The following GEMIN7 variants were observed in gnomAD, a reference collection of about 807,000 sequenced individuals.
The protein encoded by GEMIN7 is gem nuclear organelle associated protein 7.
In GEMIN7, 7 loss-of-function variants were observed where a neutral mutation model predicts 7.8. The observed-to-expected ratio is 0.90, with a 90% CI of 0.51 to 1.69. The LOEUF (loss-of-function observed/expected upper bound fraction) is 1.69, where lower values mean the gene tolerates loss of function less well. Among genes scored for constraint, GEMIN7 ranks in the 40% most tolerant of loss-of-function variants. The pLI is 0.00. For missense variants in GEMIN7, 159 were observed against 176.2 expected (o/e 0.90, Z 0.55); for synonymous variants, 68 against 72.4 (o/e 0.94, Z 0.31).
intron 2 of GEMIN7, among the ~76,000 whole-genome samples, chr19:45,086,193 G>A (rs1275836255): frequency 6.6e-6 from 1 of 151,774 alleles, no homozygotes; most frequent in African/African-American, 2.4e-5. Flanking sequence ...AACCTGGGAG[G>A]CGGAGGTTGC....
At chr19:45,076,426 G>A, upstream of GEMIN7, 3 of 1,200,002 alleles carry the variant, frequency 2.5e-6, no homozygotes, top group Non-Finnish European at 3.1e-6. The surrounding 1 kb of genome is among the most constrained non-coding windows in gnomAD (Gnocchi z 4.9). Flanking sequence ...GCGGGCGGGC[G>A]GAGGACGCAC....
upstream of GEMIN7, chr19:45,076,054 G>A: frequency 6.3e-7 from 1 of 1,576,016 alleles, no homozygotes; most frequent in Non-Finnish European, 8.6e-7. This position sits in a 1 kb window ranked among gnomAD's most constrained non-coding sequence, Gnocchi z 4.9. Context: ...GGGAGGCTGG[G>A]CCCAGGGCCC....
chr19:45,089,863 A>T (rs1967831299), intron 2 of GEMIN7, among the ~76,000 whole-genome samples: 1 of 152,226 alleles, frequency 6.6e-6, no homozygotes, highest in East Asian at 1.9e-4. Context: ...AGTTGAGATA[A>T]AAACATTATA....
At chr19:45,086,200 T>C (rs1219372187) in intron 2 of GEMIN7, among the ~76,000 whole-genome samples, 2 of 147,798 alleles carry the variant, frequency 1.4e-5, no homozygotes, top group Non-Finnish European at 3.0e-5. Context: ...GAGGCGGAGG[T>C]TGCAGTGAGC....
intron 2 of GEMIN7, among the ~76,000 whole-genome samples, chr19:45,084,677 AAG>A (rs573869996): frequency 9.3e-4 from 141 of 152,354 alleles, no homozygotes; most frequent in South Asian, 2.5e-3. Flanking sequence ...TCCCGGGTTC[AAG>A]AGAGTCTCCT....
chr19:45,083,694 C>T (rs1001913180), intron 2 of GEMIN7, among the ~76,000 whole-genome samples: 4 of 147,670 alleles, frequency 2.7e-5, no homozygotes, highest in African/African-American at 7.5e-5. Context: ...CAGCCTCCTC[C>T]GGCTCACTAG....
intron 2 of GEMIN7, among the ~76,000 whole-genome samples, chr19:45,081,808 G>A (rs1009464446): frequency 9.9e-5 from 15 of 152,036 alleles, no homozygotes; most frequent in Non-Finnish European, 2.1e-4. Context: ...TGTATTTTTA[G>A]TAGAGAGAGG....
upstream of GEMIN7, among the ~76,000 whole-genome samples, chr19:45,078,086 CTTATT>C (rs372103603): frequency 1.4e-4 from 19 of 137,048 alleles, no homozygotes; most frequent in African/African-American, 5.3e-4. Flanking sequence ...TCCCATTGCC[CTTATT>C]TTACTCTTTT....
chr19:45,088,044 C>A (rs1426045437), intron 2 of GEMIN7, among the ~76,000 whole-genome samples: 1 of 146,422 alleles, frequency 6.8e-6, no homozygotes, highest in Non-Finnish European at 1.5e-5. Flanking sequence ...TTCCCAAGTT[C>A]AAGTGACTCT....
At chr19:45,075,858 G>C (rs752477411), upstream of GEMIN7, 2 of 1,613,800 alleles carry the variant, frequency 1.2e-6, no homozygotes, top group African/African-American at 2.7e-5. Flanking sequence ...TCCAGGGCTG[G>C]CGGTCTGCAG....
At chr19:45,083,590 A>ATTC (rs775564191) in intron 2 of GEMIN7, among the ~76,000 whole-genome samples, 2 of 124,324 alleles carry the variant, frequency 1.6e-5, no homozygotes, top group African/African-American at 3.2e-5. Flanking sequence ...TTCTTTTCCA[A>ATTC]TTCTTCTTCT....
At chr19:45,078,184 C>T (rs1967395558), upstream of GEMIN7, among the ~76,000 whole-genome samples, 1 of 148,768 alleles carries the variant, frequency 6.7e-6, no homozygotes, top group African/African-American at 2.5e-5. Flanking sequence ...TCACTGCAAC[C>T]TCCGCCTCCC....
Position 45,080,446 on chromosome 19 carries a change from G to C in GEMIN7, c.-9+417G>C, listed in dbSNP as rs920192416. The stretch of plus-strand genomic sequence containing the variant: ...GCTGGGGTGCAGAGGCGTGATCTCC[G>C]CTCACTGCAACCTCCGTCTCCCTGG... On this transcript the variant is annotated intron_variant, in intron 2 of 2. Coordinates refer to ENST00000270257, the MANE Select transcript of GEMIN7 (RefSeq NM_024707.3). 2.0e-5 allele frequency among the ~76,000 whole-genome samples: 3 copies of C among 148,780 alleles called. No individual in the cohort carries two copies. The East Asian group carries it at 5.9e-4, about 29-fold the overall frequency.
upstream of GEMIN7, among the ~76,000 whole-genome samples, chr19:45,078,790 A>C (rs905735520): frequency 9.2e-5 from 14 of 152,164 alleles, no homozygotes; most frequent in African/African-American, 3.1e-4. Context: ...CCCCCTTTGT[A>C]AAATGGGACT....
chr19:45,082,332 T>C (rs1176653211), intron 2 of GEMIN7, among the ~76,000 whole-genome samples: 1 of 152,210 alleles, frequency 6.6e-6, no homozygotes, highest in East Asian at 1.9e-4. Flanking sequence ...TTCAGGTCTA[T>C]GCTCAAACGT....
chr19:45,088,028 CT>C (rs1171910751), intron 2 of GEMIN7, among the ~76,000 whole-genome samples: 19 of 150,334 alleles, frequency 1.3e-4, no homozygotes, highest in Non-Finnish European at 2.7e-4. Context: ...TCACTGCAAC[CT>C]CTGCTTCCCA....
At chr19:45,082,517 G>A (rs1967535495) in intron 2 of GEMIN7, among the ~76,000 whole-genome samples, 1 of 152,174 alleles carries the variant, frequency 6.6e-6, no homozygotes, top group Admixed American at 6.5e-5. Context: ...GGCGGAACTG[G>A]GCTCTCAGTC....
At chr19:45,087,447 C>T (rs1282263250) in intron 2 of GEMIN7, among the ~76,000 whole-genome samples, 1 of 150,694 alleles carries the variant, frequency 6.6e-6, no homozygotes, top group Non-Finnish European at 1.5e-5. Flanking sequence ...CCAGCTCATT[C>T]ATGAATTCTC....
intron 2 of GEMIN7, chr19:45,085,252 C>T (rs1967641913): frequency 6.6e-6 from 1 of 152,176 alleles, no homozygotes; most frequent in Admixed American, 6.5e-5. Flanking sequence ...ATCTTTATTC[C>T]TTCCTCCCTC....
Sources: allele counts gnomAD v4.1 joint callset (sites outside exome capture counted in the v4.1 genomes callset), GRCh38; gene constraint gnomAD v4.1.1; non-coding constraint Gnocchi (gnomAD v3.1); transcripts MANE v1.5; gene names NCBI Gene and HGNC (gene_info 2026-07-23, HGNC 2026-07-21).